SH3GL2: variants seen among roughly 807,000 people sequenced by gnomAD.
The protein encoded by SH3GL2 is SH3 domain containing GRB2 like 2, endophilin A1.
In SH3GL2, 24 loss-of-function variants were observed where a neutral mutation model predicts 46.0. The observed-to-expected ratio is 0.52, with a 90% CI of 0.38 to 0.73. The LOEUF (loss-of-function observed/expected upper bound fraction) is 0.73. Among genes scored for constraint, SH3GL2 ranks in the 30% least tolerant of loss-of-function variants. The pLI, the probability that SH3GL2 is intolerant of heterozygous loss-of-function variation, is 0.00. For synonymous variants in SH3GL2, 196 were observed against 147.1 expected (o/e 1.33, Z -2.40); for missense variants, 413 against 424.2 (o/e 0.97, Z 0.23).
chr9:17,610,166 T>G lies in SH3GL2; in HGVS notation c.45+30879T>G, dbSNP rs116292454. Among the ~76,000 whole-genome samples, 645 of 152,326 alleles carry G rather than the reference T, an allele frequency of 4.2e-3. 7 individuals carry two copies. Among genetic ancestry groups the G allele is most frequent in the African/African-American group, 0.015 (616 of 41,580 alleles). On this transcript the variant is annotated intron_variant, in intron 1 of 8. Transcript: ENST00000380607. ...AGTTCCATCTTCTCCAAAGTTAGCTTCCTCAGGGTATTGCAAGAATTAAAT... is the reference window on the plus strand; with the variant it reads ...AGTTCCATCTTCTCCAAAGTTAGCTGCCTCAGGGTATTGCAAGAATTAAAT...
chr9:17,716,435 G>A (rs780124057), intron 1 of SH3GL2, among the ~76,000 whole-genome samples: 28 of 152,100 alleles, frequency 1.8e-4, no homozygotes, highest in Non-Finnish European at 3.7e-4. Context: ...TAGCTAAAGC[G>A]CCTTGCTTTG....
In SH3GL2 at chr9:17,653,844, A is replaced by T. The variant is rs1459080216; in HGVS notation, c.45+74557A>T. ...AAGAAGACAGATACTGCCTTGGTGA[A>T]CATTCATGGAGACATTAACAAGGGG... On this transcript the variant is annotated intron_variant, in intron 1 of 8. Coordinates refer to ENST00000380607, the MANE Select transcript of SH3GL2 (RefSeq NM_003026.5). 4 of 979,160 alleles carry T rather than the reference A, an allele frequency of 4.1e-6. No homozygotes were observed. In the Admixed American group the frequency reaches 2.5e-4, roughly 60 times the overall value. The allele number at this position is 979,160 out of a possible 1,614,324, so 60.7% of individuals were successfully genotyped here. A position where few individuals can be genotyped will look rare whatever the true frequency, so the allele number is the denominator to read the frequency against.
At chr9:17,698,522 A>T (rs932064952) in intron 1 of SH3GL2, among the ~76,000 whole-genome samples, 1 of 152,184 alleles carries the variant, frequency 6.6e-6, no homozygotes, top group Non-Finnish European at 1.5e-5. Flanking sequence ...ATGGTTCTGA[A>T]TTCTAGGTTT....
chr9:17,690,703 G>C (rs3808714), intron 1 of SH3GL2, among the ~76,000 whole-genome samples: 72,612 of 151,914 alleles, frequency 0.48, 17,774 homozygotes, highest in Admixed American at 0.59. Context: ...TTCCTAGCCC[G>C]TCACATTTAT....
chr9:17,615,037 A>C (rs1435494000), intron 1 of SH3GL2, among the ~76,000 whole-genome samples: 1 of 152,156 alleles, frequency 6.6e-6, no homozygotes, highest in Non-Finnish European at 1.5e-5. Flanking sequence ...CTCTGCTCTC[A>C]GAGTCCTCTG....
At chr9:17,793,220 A>G (rs1446116107) in intron 7 of SH3GL2, 147 bp from the exon 8 acceptor site, 1 of 682,446 alleles carries the variant, frequency 1.5e-6, no homozygotes, top group Non-Finnish European at 2.4e-6. Context: ...TACATACAAG[A>G]AAACTAAGGG....
chr9:17,758,461 C>A (rs1459783805), intron 2 of SH3GL2, among the ~76,000 whole-genome samples: 2 of 144,214 alleles, frequency 1.4e-5, no homozygotes, highest in Non-Finnish European at 3.0e-5. Flanking sequence ...TCTTGGGAAG[C>A]TGGGGAGGGA....
At chr9:17,679,300 T>C (rs1251619425) in intron 1 of SH3GL2, among the ~76,000 whole-genome samples, 1 of 152,220 alleles carries the variant, frequency 6.6e-6, no homozygotes, top group Admixed American at 6.5e-5. Context: ...TTTCCTCTTT[T>C]ATTTCGTTGA....
intron 1 of SH3GL2, among the ~76,000 whole-genome samples, chr9:17,664,777 A>G (rs1266762291): frequency 6.6e-6 from 1 of 151,882 alleles, no homozygotes; most frequent in Non-Finnish European, 1.5e-5. Context: ...AGCCACTTTC[A>G]TGTATAATCT....
chr9:17,779,861 G>A (rs567071785), intron 3 of SH3GL2, among the ~76,000 whole-genome samples: 1 of 152,094 alleles, frequency 6.6e-6, no homozygotes. Flanking sequence ...TTGTGTTTCT[G>A]CAGTTGAAGT....
chr9:17,634,151 A>T (rs1029342698), intron 1 of SH3GL2, among the ~76,000 whole-genome samples: 11 of 152,086 alleles, frequency 7.2e-5, no homozygotes, highest in Non-Finnish European at 1.5e-4. Flanking sequence ...GGTGGAGACC[A>T]CTGGTACCCT....
chr9:17,705,631 A>C (rs1226625810), intron 1 of SH3GL2, among the ~76,000 whole-genome samples: 3 of 152,096 alleles, frequency 2.0e-5, no homozygotes, highest in African/African-American at 7.2e-5. Flanking sequence ...TGTGAAAAAG[A>C]ATGAAATCAT....
rs137916973 is a variant in SH3GL2 at position 17,717,871 on chromosome 9, C to G, written c.46-29195C>G. On this transcript the variant is annotated intron_variant, in intron 1 of 8. Transcript: ENST00000380607. ...CATACCCATTATTTTTTTCTGGAGT[C>G]TGTTATGCTTTGACCTTTTCGGTGT... Among the ~76,000 whole-genome samples the G allele has an allele frequency of 1.2e-3, 179 of 152,146 alleles. 1 individual carries two copies. The highest frequency in any genetic ancestry group is 3.5e-3 in the African/African-American group (145 of 41,526).
chr9:17,777,037 G>A (rs115813826), intron 3 of SH3GL2, among the ~76,000 whole-genome samples: 129 of 152,288 alleles, frequency 8.5e-4, no homozygotes, highest in African/African-American at 2.9e-3. Context: ...GACAGAGGCA[G>A]GGAGACCTTT....
rs146479657 is a variant in SH3GL2, at chr9:17,766,759, A to C, written c.187+5250A>C. Reference sequence around the variant, plus strand: ...TGGACTAGCCACATTTCAGGTGCTCAGCAGCCCGCTGTGGCCAGTGGTGCC... The same window carrying C: ...TGGACTAGCCACATTTCAGGTGCTCCGCAGCCCGCTGTGGCCAGTGGTGCC... On this transcript the variant is annotated intron_variant, in intron 3 of 8. Coordinates refer to ENST00000380607, the MANE Select transcript of SH3GL2 (RefSeq NM_003026.5). Among the ~76,000 whole-genome samples, 526 of 152,302 alleles carry C rather than the reference A, an allele frequency of 3.5e-3. 2 individuals are homozygous for C. The highest frequency in any genetic ancestry group is 0.012 in the African/African-American group (497 of 41,562).
At chr9:17,619,188 C>T (rs186214120) in intron 1 of SH3GL2, among the ~76,000 whole-genome samples, 62 of 152,300 alleles carry the variant, frequency 4.1e-4, no homozygotes, top group Admixed American at 7.8e-4. Context: ...GATGGCAGAG[C>T]TGGGCTTTGA....
At chr9:17,776,766 C>T (rs1348707462) in intron 3 of SH3GL2, among the ~76,000 whole-genome samples, 5 of 151,458 alleles carry the variant, frequency 3.3e-5, no homozygotes, top group Non-Finnish European at 5.9e-5. Flanking sequence ...TGGGAGGAAC[C>T]AGCAGTGTGC....
chr9:17,758,573 A>AAAAAAAAAAAC (rs1823075037), intron 2 of SH3GL2, among the ~76,000 whole-genome samples: 1 of 123,874 alleles, frequency 8.1e-6, no homozygotes, highest in Admixed American at 7.4e-5. Flanking sequence ...AAAAAAAAAA[A>AAAAAAAAAAAC]AAAAAAAAAA....
intron 1 of SH3GL2, among the ~76,000 whole-genome samples, chr9:17,619,577 C>A (rs1231018423): frequency 6.6e-6 from 1 of 152,016 alleles, no homozygotes; most frequent in Admixed American, 6.5e-5. Flanking sequence ...ACTCGGGAGG[C>A]TGAGGCAGGA....
Sources: allele counts gnomAD v4.1 joint callset (sites outside exome capture counted in the v4.1 genomes callset), GRCh38; gene constraint gnomAD v4.1.1; transcripts MANE v1.5; gene names NCBI Gene and HGNC (gene_info 2026-07-23, HGNC 2026-07-21).